The following GIT2 variants were observed in gnomAD, a reference collection of about 807,000 sequenced individuals.
GIT2 encodes GIT ArfGAP 2, also known as ARF GTPase-activating protein GIT2.
In GIT2, 32 loss-of-function variants were observed where a neutral mutation model predicts 100.3. That is an observed-to-expected ratio of 0.32 (90% confidence interval 0.24 to 0.43). GIT2 has a LOEUF of 0.43. GIT2 is among the 20% of genes least tolerant of loss of function. The probability of loss-of-function intolerance (pLI) is 1.00; values close to 1 mark genes in which losing one functional copy is unlikely to be tolerated. For synonymous variants in GIT2, 353 were observed against 364.1 expected, an observed-to-expected ratio of 0.97 and a Z score of 0.35; for missense variants, 737 against 975.1, an observed-to-expected ratio of 0.76 and a Z score of 3.25.
intron 16 of GIT2, 42 bp downstream of exon 16, chr12:109,945,218 G>A (rs970976001): frequency 6.2e-6 from 6 of 969,802 alleles, no homozygotes; most frequent in African/African-American, 4.8e-5. Context: ...CCAGGAGCAC[G>A]GCCCCTCCTC....
At position 109,947,687 on chromosome 12, in the gene GIT2, C is replaced by G. The variant is rs1049227837; in HGVS notation, c.1393-183G>C. ...TCTGGATTGGGTGAAACACAATCAACTCCCTTCATCACGTAAGCAAATTAA... is the reference window on the plus strand; with the variant it reads ...TCTGGATTGGGTGAAACACAATCAAGTCCCTTCATCACGTAAGCAAATTAA... On this transcript the variant is annotated intron_variant, in intron 14 of 19. Coordinates refer to ENST00000355312, the MANE Select transcript of GIT2 (RefSeq NM_057169.5). The surrounding 1 kb of genome is among the most constrained non-coding windows in gnomAD (Gnocchi z 4.3). The G allele has an allele frequency of 5.2e-6, 3 of 580,066 alleles. No homozygotes were observed. The highest frequency in any genetic ancestry group is 9.1e-6 in the Non-Finnish European group (3 of 328,416). The allele number at this position is 580,066 out of a possible 1,614,324, so 35.9% of individuals were successfully genotyped here.
chr12:109,932,475 T>C lies in GIT2; in HGVS notation c.*503A>G, dbSNP rs1413737520. On this transcript the variant is annotated 3_prime_UTR_variant, in exon 20 of 20. Transcript: ENST00000355312. ...CTAGTTTTAAAAAGCGGCAAAGTCC[T>C]TTCTCTACATACATGCTTGGAGATA... is the stretch of plus-strand genomic sequence containing the variant. 1 of 154,580 alleles carries C rather than the reference T, an allele frequency of 6.5e-6. No individual in the cohort carries two copies. Among genetic ancestry groups the C allele is most frequent in the Non-Finnish European group, 1.4e-5 (1 of 69,548 alleles). The allele number at this position is 154,580 out of a possible 1,614,324, so 9.6% of individuals were successfully genotyped here.
rs1872557010 is a variant in GIT2 at position 109,934,876 on chromosome 12, G to C, written c.2004-791C>G. 1.3e-5 allele frequency among the ~76,000 whole-genome samples: 2 copies of C among 152,192 alleles called. No individual in the cohort carries two copies. The highest frequency in any genetic ancestry group is 4.1e-4 in the South Asian group (2 of 4,826). Reference sequence around the variant, plus strand: ...GGATCACCTGAGGTCAGGAGTTTGAGACCAGCCTGAACGACATGGTGAAAT... The same window carrying C: ...GGATCACCTGAGGTCAGGAGTTTGACACCAGCCTGAACGACATGGTGAAAT... On this transcript the variant is annotated intron_variant, in intron 18 of 19. Coordinates refer to ENST00000355312, the MANE Select transcript of GIT2 (RefSeq NM_057169.5). The surrounding 1 kb of genome is among the most constrained non-coding windows in gnomAD (Gnocchi z 4.5).
At chr12:109,975,471 C>T (rs538294878) in intron 7 of GIT2, among the ~76,000 whole-genome samples, 63 of 152,180 alleles carry the variant, frequency 4.1e-4, no homozygotes, top group African/African-American at 1.5e-3. Flanking sequence ...CTTCAGGCTC[C>T]CTGAAGTGTT....
At chr12:109,980,840 C>T in intron 7 of GIT2, 112 bp downstream of exon 7, 1 of 726,246 alleles carries the variant, frequency 1.4e-6, no homozygotes, top group South Asian at 1.5e-5. Flanking sequence ...ATATGTATAG[C>T]TTTCTCAGTG....
chr12:109,991,877 T>G, intron 1 of GIT2, 117 bp from the exon 2 acceptor site: 1 of 781,416 alleles, frequency 1.3e-6, no homozygotes, highest in South Asian at 1.7e-5. Context: ...TGTTTCAGTA[T>G]GCTCATCAAT....
rs570006447 is a variant in GIT2 at position 109,955,870 on chromosome 12, C to A, written c.1100-2636G>T. Among the ~76,000 whole-genome samples the A allele has an allele frequency of 5.9e-5, 9 of 151,672 alleles. No individual in the cohort carries two copies. The East Asian group carries it at 1.4e-3, about 23-fold the overall frequency. On this transcript the variant is annotated intron_variant, in intron 12 of 19. Coordinates refer to ENST00000355312, the MANE Select transcript of GIT2 (RefSeq NM_057169.5). ...GTAGGACTACAGACACATGCCAACA[C>A]ACCTAGAAAATTTTTAAATTTTTTG...
At chr12:110,000,126 G>A (rs1889874830), upstream of GIT2, among the ~76,000 whole-genome samples, 1 of 152,186 alleles carries the variant, frequency 6.6e-6, no homozygotes, top group Admixed American at 6.5e-5. Context: ...CGGGCCGGCT[G>A]GCTCCGGAAT....
At chr12:109,955,375 C>T (rs1385985683) in intron 12 of GIT2, among the ~76,000 whole-genome samples, 1 of 152,134 alleles carries the variant, frequency 6.6e-6, no homozygotes, top group Non-Finnish European at 1.5e-5. Flanking sequence ...ATCTGCCCAC[C>T]TCGGCCTCCC....
rs1454844301 is a variant in GIT2 at position 109,962,248 on chromosome 12, G to C, written c.817-563C>G. On this transcript the variant is annotated intron_variant, in intron 9 of 19. Coordinates refer to ENST00000355312, the MANE Select transcript of GIT2 (RefSeq NM_057169.5). The surrounding 1 kb of genome is among the most constrained non-coding windows in gnomAD (Gnocchi z 4.3). ...CACACTTGTAGTGCCAACTACTCAG[G>C]AGGCTGAGGCAGGAGGATCACTTCA... Among the ~76,000 whole-genome samples the C allele has an allele frequency of 6.6e-6, 1 of 152,164 alleles. No homozygotes were observed. The highest frequency in any genetic ancestry group is 1.5e-5 in the Non-Finnish European group (1 of 68,036).
chr12:109,967,211 A>G (rs1593063035), intron 8 of GIT2: 1 of 754,110 alleles, frequency 1.3e-6, no homozygotes. Flanking sequence ...ATACTGTCAC[A>G]ACTGGCTAAA....
At chr12:109,999,753 A>G (rs1284174475), upstream of GIT2, 2 of 1,528,062 alleles carry the variant, frequency 1.3e-6, no homozygotes, top group Non-Finnish European at 1.8e-6. This position sits in a 1 kb window ranked among gnomAD's most constrained non-coding sequence, Gnocchi z 4.3. Context: ...AAAAACGACT[A>G]CCGGCAGCTC....
rs1331674319 is a variant in GIT2, at chr12:109,968,136, G to A, written c.719-633C>T. ...ATATGGTAAATGTATGTTTAACTTG[G>A]TAAGAAACTGCCAGACCTTTTCCCT... On this transcript the variant is annotated intron_variant, in intron 7 of 19. Coordinates refer to ENST00000355312, the MANE Select transcript of GIT2 (RefSeq NM_057169.5). Among the ~76,000 whole-genome samples, 3 of 152,200 alleles carry A rather than the reference G, an allele frequency of 2.0e-5. No individual in the cohort carries two copies. In the South Asian group the frequency reaches 6.2e-4, roughly 32 times the overall value.
rs1278739430 is a variant in GIT2 at position 109,929,817 on chromosome 12, T to G, written c.*3161A>C. ...TTACCACAAAAACACTTGTAGAGCC[T>G]GTTTATTGCATAACTAGCAGGCACA... On this transcript the variant is annotated 3_prime_UTR_variant, in exon 20 of 20. Transcript: ENST00000355312. 2 of 152,648 alleles carry G rather than the reference T, an allele frequency of 1.3e-5. No homozygotes were observed. Among genetic ancestry groups the G allele is most frequent in the Non-Finnish European group, 2.9e-5 (2 of 68,044 alleles). The allele number at this position is 152,648 out of a possible 1,614,324, so 9.5% of individuals were successfully genotyped here. A position where few individuals can be genotyped will look rare whatever the true frequency, so the allele number is the denominator to read the frequency against.
rs1230161256 is a variant in GIT2 at position 109,996,280 on chromosome 12, G to C, written c.-56C>G. The C allele has an allele frequency of 1.1e-5, 14 of 1,294,962 alleles. No individual in the cohort carries two copies. The highest frequency in any genetic ancestry group is 1.5e-5 in the African/African-American group (1 of 65,378). 80.2% of individuals were successfully genotyped at this position (1,294,962 alleles called of 1,614,324 possible). On this transcript the variant is annotated 5_prime_UTR_variant, in exon 1 of 20. Transcript: ENST00000355312. ...AGGCCGGGGGACAGCAAAGGCGGCG[G>C]TGGCGGCGGCGCTTCCGCTCTAACG...
At chr12:109,965,810 C>T (rs569314393) in intron 8 of GIT2, 13 of 658,080 alleles carry the variant, frequency 2.0e-5, no homozygotes, top group Admixed American at 1.1e-4. Flanking sequence ...AAAAAAAAAT[C>T]GTCCACCAAC....
chr12:109,977,250 G>C (rs1449562572), intron 7 of GIT2, among the ~76,000 whole-genome samples: 1 of 152,206 alleles, frequency 6.6e-6, no homozygotes, highest in Non-Finnish European at 1.5e-5. Context: ...AAAAGGAGCA[G>C]TGGCTCATGC....
chr12:109,957,787 T>C (rs908543349), intron 12 of GIT2, among the ~76,000 whole-genome samples: 10 of 152,178 alleles, frequency 6.6e-5, no homozygotes, highest in Non-Finnish European at 1.5e-4. Flanking sequence ...TGTACTATTT[T>C]AAAATGTGAC....
At position 109,947,254 on chromosome 12, in the gene GIT2, A is replaced by C; in HGVS notation, c.1641+2T>G. 6.2e-7 allele frequency: 1 copy of C among 1,611,868 alleles called. No individual in the cohort carries two copies. The highest frequency in any genetic ancestry group is 8.5e-7 in the Non-Finnish European group (1 of 1,178,464). On this transcript the variant is annotated splice_donor_variant, in intron 15 of 19. Transcript: ENST00000355312. LOFTEE classifies it high-confidence loss of function. The surrounding 1 kb of genome is among the most constrained non-coding windows in gnomAD (Gnocchi z 4.3). ...AGCAGAAGCGCCAGTGGTGTTACTT[A>C]CGTGCGCGGGGAAGGGCTGGAGTCT...
Sources: allele counts gnomAD v4.1 joint callset (sites outside exome capture counted in the v4.1 genomes callset), GRCh38; gene constraint gnomAD v4.1.1; non-coding constraint Gnocchi (gnomAD v3.1); transcripts MANE v1.5; gene names NCBI Gene and HGNC (gene_info 2026-07-23, HGNC 2026-07-21).